Variants in CAMK2B observed in about 807,000 individuals in gnomAD.
CAMK2B encodes calcium/calmodulin dependent protein kinase II beta.
Under a neutral mutation model 93.7 loss-of-function variants are expected in CAMK2B, and 27 were observed. The observed-to-expected ratio is 0.29, with a 90% CI of 0.21 to 0.40. CAMK2B has a LOEUF of 0.40. CAMK2B is among the 10% of genes least tolerant of loss of function. The probability of loss-of-function intolerance (pLI) is 1.00; values close to 1 mark genes in which losing one functional copy is unlikely to be tolerated. For synonymous variants in CAMK2B, 374 were observed against 358.8 expected, an observed-to-expected ratio of 1.04 and a Z score of -0.48; for missense variants, 568 against 895.8, an observed-to-expected ratio of 0.63 and a Z score of 4.67.
At chr7:44,307,163 GT>G (rs1007538586) in intron 1 of CAMK2B, among the ~76,000 whole-genome samples, 3 of 138,658 alleles carry the variant, frequency 2.2e-5, no homozygotes, top group Admixed American at 7.0e-5. Flanking sequence ...GGAGGAGGGT[GT>G]GAGCAGAGGG....
At position 44,224,571 on chromosome 7, in the gene CAMK2B, G is replaced by C. The variant is rs1002487014; in HGVS notation, c.1597+1945C>G. ...TTGCATTGCCTGTGGCTCTCTTGGG[G>C]TGAGGCAACAGGTCCAGGCAGGCCT... On this transcript the variant is annotated intron_variant, in intron 20 of 23. Transcript: ENST00000395749. This position sits in a 1 kb window ranked among gnomAD's most constrained non-coding sequence, Gnocchi z 4.4. Among the ~76,000 whole-genome samples, 17 of 152,138 alleles carry C rather than the reference G, an allele frequency of 1.1e-4. No individual in the cohort carries two copies. Among genetic ancestry groups the C allele is most frequent in the African/African-American group, 3.9e-4 (16 of 41,418 alleles).
rs987173785 is a variant in CAMK2B, at chr7:44,225,724, C to T, written c.1597+792G>A. 2.0e-5 allele frequency: 26 copies of T among 1,288,756 alleles called. No individual in the cohort carries two copies. Among genetic ancestry groups the T allele is most frequent in the African/African-American group, 1.2e-4 (8 of 65,912 alleles). The allele number at this position is 1,288,756 out of a possible 1,614,324, so 79.8% of individuals were successfully genotyped here. A position where few individuals can be genotyped will look rare whatever the true frequency, so the allele number is the denominator to read the frequency against. ...CCCCAGGCCCAGCCTGCAGAGGGGA[C>T]GGTGGCAAGCAGACCCCACCTGTCC... On this transcript the variant is annotated intron_variant, in intron 20 of 23. Transcript: ENST00000395749. This position sits in a 1 kb window ranked among gnomAD's most constrained non-coding sequence, Gnocchi z 5.0.
intron 12 of CAMK2B, among the ~76,000 whole-genome samples, chr7:44,240,490 C>T (rs555399281): frequency 9.2e-5 from 14 of 152,336 alleles, no homozygotes; most frequent in East Asian, 3.9e-4. Flanking sequence ...AGACCCAGCA[C>T]GAAGGTGATG....
intron 1 of CAMK2B, among the ~76,000 whole-genome samples, chr7:44,305,563 C>T (rs1027571687): frequency 6.6e-5 from 10 of 152,232 alleles, no homozygotes; most frequent in Non-Finnish European, 1.3e-4. Context: ...CCCTGAGGTG[C>T]CCTGCACTGG....
chr7:44,239,148 C>T (rs1012946617), intron 13 of CAMK2B, among the ~76,000 whole-genome samples: 4 of 152,206 alleles, frequency 2.6e-5, no homozygotes, highest in Admixed American at 1.3e-4. Context: ...CACAGACCAC[C>T]GTCTCCATGC....
At chr7:44,281,229 C>T (rs1358593545) in intron 2 of CAMK2B, among the ~76,000 whole-genome samples, 1 of 152,230 alleles carries the variant, frequency 6.6e-6, no homozygotes, top group Non-Finnish European at 1.5e-5. Flanking sequence ...TTCAAGCCTG[C>T]TAGAGAAAGG....
intron 5 of CAMK2B, among the ~76,000 whole-genome samples, chr7:44,251,728 G>C (rs1436353955): frequency 6.6e-6 from 1 of 152,236 alleles, no homozygotes. Flanking sequence ...TCTTCTGGCT[G>C]GTTCCAAGGA....
chr7:44,317,715 T>G (rs1795151067), intron 1 of CAMK2B, among the ~76,000 whole-genome samples: 1 of 152,224 alleles, frequency 6.6e-6, no homozygotes, highest in Non-Finnish European at 1.5e-5. Flanking sequence ...ACATTTTATC[T>G]CTTCTGGACA....
intron 3 of CAMK2B, among the ~76,000 whole-genome samples, chr7:44,262,175 A>G (rs2096884105): frequency 6.6e-6 from 1 of 152,248 alleles, no homozygotes; most frequent in Non-Finnish European, 1.5e-5. Flanking sequence ...CAGGCTCCTA[A>G]ACAGGCTCCC....
chr7:44,285,509 C>T (rs1488264855), intron 1 of CAMK2B, among the ~76,000 whole-genome samples: 1 of 152,218 alleles, frequency 6.6e-6, no homozygotes, highest in Admixed American at 6.5e-5. Context: ...GAGAAACCCA[C>T]ATGGGAGTCC....
rs944328269 is a variant in CAMK2B at position 44,224,748 on chromosome 7, A to T, written c.1597+1768T>A. ...CAGGCTGGATTGTGTATAATCCGCG[A>T]TTAGAGAGCGTGGGTGGGGAGGAGA... On this transcript the variant is annotated intron_variant, in intron 20 of 23. Transcript: ENST00000395749. This position sits in a 1 kb window ranked among gnomAD's most constrained non-coding sequence, Gnocchi z 4.4. 6.6e-6 allele frequency among the ~76,000 whole-genome samples: 1 copy of T among 151,992 alleles called. No individual in the cohort carries two copies. The highest frequency in any genetic ancestry group is 2.4e-5 in the African/African-American group (1 of 41,378).
intron 20 of CAMK2B, among the ~76,000 whole-genome samples, chr7:44,223,169 G>A (rs767700789): frequency 6.6e-6 from 1 of 152,218 alleles, no homozygotes; most frequent in Non-Finnish European, 1.5e-5. Context: ...CAGTGCCTAT[G>A]AGCGTGCACG....
chr7:44,239,548 A>G, intron 13 of CAMK2B, 41 bp downstream of exon 13: 1 of 1,505,858 alleles, frequency 6.6e-7, no homozygotes, highest in South Asian at 1.2e-5. Flanking sequence ...GGCAGGAGGG[A>G]CGGGCGGGAG....
chr7:44,289,576 G>C (rs1786157786), intron 1 of CAMK2B, among the ~76,000 whole-genome samples: 1 of 152,192 alleles, frequency 6.6e-6, no homozygotes, highest in South Asian at 2.1e-4. Context: ...CCTTGCTCAG[G>C]TGCCCTCCCC....
At chr7:44,254,111 C>T (rs1418516011) in intron 5 of CAMK2B, among the ~76,000 whole-genome samples, 1 of 152,152 alleles carries the variant, frequency 6.6e-6, no homozygotes, top group South Asian at 2.1e-4. Flanking sequence ...CTGTCACCTC[C>T]CCAGCTGACA....
At chr7:44,275,174 C>T (rs951422860) in intron 2 of CAMK2B, among the ~76,000 whole-genome samples, 14 of 152,210 alleles carry the variant, frequency 9.2e-5, no homozygotes, top group African/African-American at 3.1e-4. Flanking sequence ...TCCCTCACCC[C>T]CTCCAAATGC....
intron 2 of CAMK2B, among the ~76,000 whole-genome samples, chr7:44,282,818 C>T (rs1025857005): frequency 2.0e-5 from 3 of 152,216 alleles, no homozygotes; most frequent in Admixed American, 6.5e-5. Context: ...AGAGGAGGCC[C>T]GTCTCTGCCC....
intron 1 of CAMK2B, among the ~76,000 whole-genome samples, chr7:44,309,341 C>T (rs984128889): frequency 1.3e-5 from 2 of 152,182 alleles, no homozygotes; most frequent in Non-Finnish European, 2.9e-5. Flanking sequence ...GGGACACAGA[C>T]GGAGGGTTTA....
intron 1 of CAMK2B, among the ~76,000 whole-genome samples, chr7:44,310,632 G>T (rs531160563): frequency 6.6e-6 from 1 of 152,304 alleles, no homozygotes; most frequent in Admixed American, 6.5e-5. Context: ...CCTTAAAAAG[G>T]AAGGAAATGC....
Sources: allele counts gnomAD v4.1 joint callset (sites outside exome capture counted in the v4.1 genomes callset), GRCh38; gene constraint gnomAD v4.1.1; non-coding constraint Gnocchi (gnomAD v3.1); transcripts MANE v1.5; gene names NCBI Gene and HGNC (gene_info 2026-07-23, HGNC 2026-07-21).